The following TRPC6 variants were observed in gnomAD, a reference collection of about 807,000 sequenced individuals.
The protein encoded by TRPC6 is transient receptor potential cation channel subfamily C member 6.
Under a neutral mutation model 90.7 loss-of-function variants are expected in TRPC6, and 55 were observed. The ratio of observed to expected loss-of-function variants is 0.61; its 90% confidence interval spans 0.49 to 0.76. TRPC6 has a LOEUF of 0.76. Ranked by LOEUF, TRPC6 falls within the 30% of genes least tolerant of loss-of-function variation. TRPC6 has a pLI of 0.00. For missense variants in TRPC6, 989 were observed against 1,122.7 expected, an observed-to-expected ratio of 0.88 and a Z score of 1.70; for synonymous variants, 393 against 393.0, an observed-to-expected ratio of 1.00 and a Z score of 0.00.
At chr11:101,479,533 C>T (rs950723643) in intron 5 of TRPC6, among the ~76,000 whole-genome samples, 1 of 152,144 alleles carries the variant, frequency 6.6e-6, no homozygotes, top group Admixed American at 6.5e-5. Flanking sequence ...TAGTGTCATC[C>T]TCTCCCTCAA....
chr11:101,480,691 A>G (rs902762319), intron 5 of TRPC6, among the ~76,000 whole-genome samples: 6 of 152,148 alleles, frequency 3.9e-5, no homozygotes, highest in African/African-American at 1.4e-4. Flanking sequence ...CTCAGTGAAA[A>G]GTTGAATAAT....
intron 7 of TRPC6, among the ~76,000 whole-genome samples, chr11:101,473,261 G>A (rs1332352147): frequency 6.6e-6 from 1 of 152,062 alleles, no homozygotes; most frequent in East Asian, 1.9e-4. Flanking sequence ...TGGTGAAATA[G>A]AGATAATAAA....
intron 5 of TRPC6, among the ~76,000 whole-genome samples, 190 bp downstream of exon 5, chr11:101,482,759 T>C (rs979128138): frequency 6.6e-6 from 1 of 152,188 alleles, no homozygotes; most frequent in Non-Finnish European, 1.5e-5. Context: ...GCGCACAGCA[T>C]GCGAGAAGAC....
intron 1 of TRPC6, among the ~76,000 whole-genome samples, chr11:101,560,816 C>G (rs1354919813): frequency 6.6e-6 from 1 of 152,066 alleles, no homozygotes; most frequent in Non-Finnish European, 1.5e-5. Flanking sequence ...AGGAATGGCA[C>G]AGCCGTCAGA....
chr11:101,468,164 A>G (rs1255664271), intron 10 of TRPC6, among the ~76,000 whole-genome samples: 1 of 152,112 alleles, frequency 6.6e-6, no homozygotes, highest in Non-Finnish European at 1.5e-5. Context: ...ATTCATGCAC[A>G]GGTCTCTCAT....
intron 4 of TRPC6, 121 bp from the exon 5 acceptor site, chr11:101,483,286 A>G (rs1014329160): frequency 8.5e-7 from 1 of 1,181,836 alleles, no homozygotes; most frequent in Non-Finnish European, 1.2e-6. Context: ...ATAATTGTTT[A>G]TATTTATGTA....
At chr11:101,514,508 G>GA (rs1045691926) in intron 1 of TRPC6, among the ~76,000 whole-genome samples, 2 of 152,216 alleles carry the variant, frequency 1.3e-5, no homozygotes, top group Non-Finnish European at 2.9e-5. Context: ...CAGCAGCCCA[G>GA]AAAAAACCCT....
rs7931830 is a variant in TRPC6, at chr11:101,489,201, C to T, written c.1129-100G>A. 317,906 of 1,080,878 alleles carry T rather than the reference C, an allele frequency of 0.29. 52,156 individuals are homozygous for T. The highest frequency in any genetic ancestry group is 0.57 in the African/African-American group (36,158 of 63,408). The allele number at this position is 1,080,878 out of a possible 1,614,324, so 67.0% of individuals were successfully genotyped here. ...TAGTTCCATGCTTTCCAATGAAATA[C>T]ATTGTTAGAATTAAAGAACAAACAT... On this transcript the variant is annotated intron_variant, in intron 3 of 12. Coordinates refer to ENST00000344327, the MANE Select transcript of TRPC6 (RefSeq NM_004621.6).
chr11:101,462,267 T>C (rs1197015368), intron 10 of TRPC6, among the ~76,000 whole-genome samples: 1 of 152,208 alleles, frequency 6.6e-6, no homozygotes, highest in Non-Finnish European at 1.5e-5. Context: ...CTTTGTTCTT[T>C]TTGCTTAGGA....
chr11:101,455,214 T>C, intron 10 of TRPC6, 113 bp from the exon 11 acceptor site: 2 of 810,184 alleles, frequency 2.5e-6, no homozygotes, highest in Non-Finnish European at 4.1e-6. Context: ...ATTATCTATA[T>C]GTATAGTGCC....
At chr11:101,514,432 G>A (rs1860469853) in intron 1 of TRPC6, among the ~76,000 whole-genome samples, 1 of 152,180 alleles carries the variant, frequency 6.6e-6, no homozygotes, top group Non-Finnish European at 1.5e-5. Context: ...GAATGAAGGA[G>A]AGTTAGCTGA....
Position 101,474,416 on chromosome 11 carries a change from A to G in TRPC6, c.1745-643T>C, listed in dbSNP as rs150274229. ...ATTACATCAGGTCATCAAAAATGCA[A>G]CTAAGAAACCATTATGAAGAAAAAC... is the stretch of plus-strand genomic sequence containing the variant. On this transcript the variant is annotated intron_variant, in intron 6 of 12. Coordinates refer to ENST00000344327, the MANE Select transcript of TRPC6 (RefSeq NM_004621.6). Among the ~76,000 whole-genome samples, 541 of 152,292 alleles carry G rather than the reference A, an allele frequency of 3.6e-3. 6 individuals carry two copies. Among genetic ancestry groups the G allele is most frequent in the African/African-American group, 0.013 (520 of 41,560 alleles).
At chr11:101,561,981 T>C (rs573777758) in intron 1 of TRPC6, among the ~76,000 whole-genome samples, 5 of 152,132 alleles carry the variant, frequency 3.3e-5, no homozygotes, top group South Asian at 4.1e-4. Context: ...TACTAACAAA[T>C]TGCCTGGGGC....
chr11:101,460,445 G>A (rs953332392), intron 10 of TRPC6, among the ~76,000 whole-genome samples: 2 of 151,876 alleles, frequency 1.3e-5, no homozygotes, highest in Non-Finnish European at 2.9e-5. Flanking sequence ...TTTTAAATTT[G>A]TATTATTCTT....
intron 1 of TRPC6, among the ~76,000 whole-genome samples, chr11:101,526,732 C>T (rs553820710): frequency 1.3e-4 from 19 of 151,368 alleles, no homozygotes; most frequent in East Asian, 7.8e-4. Context: ...GGCGTGGTGG[C>T]GGGTGCCTGT....
chr11:101,473,287 T>C (rs2136673318), intron 7 of TRPC6, among the ~76,000 whole-genome samples: 1 of 152,168 alleles, frequency 6.6e-6, no homozygotes, highest in East Asian at 1.9e-4. Flanking sequence ...GCATGCAAGG[T>C]ATTTACCTGG....
At position 101,504,426 on chromosome 11, in the gene TRPC6, G is replaced by A; in HGVS notation, c.543C>T (p.Leu181=). ...TGCCTTCAGCAAAAGCCGGATGACTGAGAATTGCTTCCACAATCCGAACAT... is the reference window on the plus strand; with the variant it reads ...TGCCTTCAGCAAAAGCCGGATGACTAAGAATTGCTTCCACAATCCGAACAT... ...KGYVRIVEAI[L]SHPAFAEGKR... The change falls in exon 2 of 13, where the codon CTC becomes CTT. Residue 181 remains leucine (L), a synonymous_variant. Coordinates refer to ENST00000344327, the MANE Select transcript of TRPC6 (RefSeq NM_004621.6). 6.2e-7 allele frequency: 1 copy of A among 1,614,098 alleles called. No homozygotes were observed. The highest frequency in any genetic ancestry group is 8.5e-7 in the Non-Finnish European group (1 of 1,179,994).
In TRPC6 at chr11:101,455,089, T is replaced by G; in HGVS notation, c.2497A>C (p.Lys833Gln). The G allele has an allele frequency of 6.2e-7, 1 of 1,612,268 alleles. No homozygotes were observed. Among genetic ancestry groups the G allele is most frequent in the Non-Finnish European group, 8.5e-7 (1 of 1,178,790 alleles). Residue 833 changes from lysine to glutamine, a missense_variant, in exon 11 of 13, where the codon AAA (lysine) becomes CAA (glutamine). Physicochemically the swap from Lys to Gln is moderately conservative, Grantham distance 53. Transcript: ENST00000344327. ...SLDKKQVGHN[K>Q]QPSIRSSEDF... is the part of the protein sequence containing the mutation. ...TCTGAGCTCCTTATACTTGGTTGTT[T>G]ATTGTGCCCAACCTGTAATTTGAAA...
At chr11:101,577,714 TA>T (rs1461338491) in intron 1 of TRPC6, among the ~76,000 whole-genome samples, 3 of 152,102 alleles carry the variant, frequency 2.0e-5, no homozygotes, top group Non-Finnish European at 4.4e-5. Context: ...GGAGACTCCA[TA>T]AATGAGCTGG....
Sources: allele counts gnomAD v4.1 joint callset (sites outside exome capture counted in the v4.1 genomes callset), GRCh38; gene constraint gnomAD v4.1.1; transcripts MANE v1.5; gene names NCBI Gene and HGNC (gene_info 2026-07-23, HGNC 2026-07-21).